PCF11: variants seen among roughly 807,000 people sequenced by gnomAD.
PCF11 encodes the protein PCF11 cleavage and polyadenylation factor subunit, also known as pre-mRNA cleavage complex 2 protein Pcf11.
Under a neutral mutation model 166.1 loss-of-function variants are expected in PCF11, and 19 were observed. That is an observed-to-expected ratio of 0.11 (90% CI 0.08 to 0.17). PCF11 has a LOEUF of 0.17. Ranked by LOEUF, PCF11 falls within the 10% of genes least tolerant of loss-of-function variation. The pLI, the probability that PCF11 is intolerant of heterozygous loss-of-function variation, is 1.00. For missense variants in PCF11, 1,565 were observed against 1,855.5 expected, an observed-to-expected ratio of 0.84 and a Z score of 2.88; for synonymous variants, 663 against 644.1, an observed-to-expected ratio of 1.03 and a Z score of -0.44.
intron 1 of PCF11, among the ~76,000 whole-genome samples, chr11:83,160,852 T>G (rs1478899536): frequency 1.3e-5 from 2 of 152,204 alleles, no homozygotes; most frequent in African/African-American, 4.8e-5. Flanking sequence ...TCCTAATGAT[T>G]TTACAGGTAA....
At chr11:83,165,989 G>A (rs769982897) in exon 5 of PCF11, 33 of 1,596,130 alleles carry the variant, frequency 2.1e-5, no homozygotes, top group Middle Eastern at 1.7e-4. Flanking sequence ...ATTCTAAATC[G>A]AAATCGAAAT....
At chr11:83,178,100 G>C (rs1425584769) in intron 11 of PCF11, among the ~76,000 whole-genome samples, 4 of 152,150 alleles carry the variant, frequency 2.6e-5, no homozygotes, top group Non-Finnish European at 5.9e-5. Flanking sequence ...GAGTTCAGTG[G>C]CGTGATCCTG....
chr11:83,158,394 A>T (rs765131951), intron 1 of PCF11: 3 of 152,166 alleles, frequency 2.0e-5, no homozygotes, highest in Admixed American at 6.5e-5. Flanking sequence ...CCAGAGGGTA[A>T]CAAGTACTTG....
exon 5 of PCF11, chr11:83,166,385 G>A: frequency 1.9e-6 from 3 of 1,613,944 alleles, no homozygotes; most frequent in Non-Finnish European, 2.5e-6. Flanking sequence ...ATTCCCCAAA[G>A]AGAAGAGATA....
intron 11 of PCF11, among the ~76,000 whole-genome samples, chr11:83,178,339 T>A (rs543129359): frequency 1.3e-5 from 2 of 152,238 alleles, no homozygotes; most frequent in East Asian, 3.9e-4. Flanking sequence ...TTTCATTTTT[T>A]AATCTGTGAT....
exon 9 of PCF11, chr11:83,171,881 C>G: frequency 6.3e-7 from 1 of 1,595,960 alleles, no homozygotes; most frequent in Non-Finnish European, 8.6e-7. Context: ...ACCAGTTCAT[C>G]CACAAAATCC....
chr11:83,172,616 A>G (rs991917223), intron 9 of PCF11, among the ~76,000 whole-genome samples: 14 of 152,124 alleles, frequency 9.2e-5, no homozygotes, highest in African/African-American at 3.4e-4. Context: ...GGGTTTCACC[A>G]TCTTGGCCAG....
At chr11:83,185,102 C>G in exon 16 of PCF11, 2 of 446,820 alleles carry the variant, frequency 4.5e-6, no homozygotes, top group Non-Finnish European at 3.9e-6. Context: ...TGTGAAAGTT[C>G]TGTAGATGTG....
In PCF11 at chr11:83,159,089, G is replaced by T. The variant is rs1049127516; in HGVS notation, c.192+1458G>T. Among the ~76,000 whole-genome samples the T allele has an allele frequency of 2.6e-5, 4 of 151,544 alleles. No individual in the cohort carries two copies. The East Asian group carries it at 5.8e-4, about 22-fold the overall frequency. ...AATTTAAAGAGGACGAAAAGGAAGG[G>T]TTTTTTTTCTTTTTCCTTTTAAGGA... is the stretch of plus-strand genomic sequence containing the variant. On this transcript the variant is annotated intron_variant, in intron 1 of 15. Coordinates refer to ENST00000298281, the Ensembl canonical transcript of PCF11.
At chr11:83,182,274 C>T (rs1861110559) in intron 13 of PCF11, 125 bp from the exon 14 acceptor site, 3 of 624,418 alleles carry the variant, frequency 4.8e-6, no homozygotes, top group Non-Finnish European at 8.4e-6. Context: ...GTATATTGGA[C>T]ATTATTCAAA....
At chr11:83,185,207 T>G in exon 16 of PCF11, 2 of 193,536 alleles carry the variant, frequency 1.0e-5, no homozygotes, top group Non-Finnish European at 2.1e-5. Flanking sequence ...TTGCTATTCA[T>G]GGAGTGTAAT....
chr11:83,166,528 C>G, exon 5 of PCF11: 2 of 1,613,752 alleles, frequency 1.2e-6, no homozygotes, highest in Non-Finnish European at 1.7e-6. Flanking sequence ...GACAGAAATG[C>G]TAAGAGAAGT....
rs184528913 is a variant in PCF11, at chr11:83,168,377, A to G, written c.2093-51A>G. On this transcript the variant is annotated intron_variant, in intron 7 of 15. Transcript: ENST00000298281. ...TTTGGATAAACATTCATACGAAAAT[A>G]GAAGATTTTAAGATAACTTTAGTGA... 94 of 1,451,122 alleles carry G rather than the reference A, an allele frequency of 6.5e-5. No homozygotes were observed. In the East Asian group the frequency reaches 1.8e-3, roughly 28 times the overall value. The allele number at this position is 1,451,122 out of a possible 1,614,324, so 89.9% of individuals were successfully genotyped here.
chr11:83,164,918 T>G lies in PCF11; in HGVS notation c.702+517T>G, dbSNP rs150658232. ...ACTATTTCCTCCAAACAGTTTTCTG[T>G]TAGATTGCTATCTTATAAAATAGCA... On this transcript the variant is annotated intron_variant, in intron 4 of 15. Transcript: ENST00000298281. Among the ~76,000 whole-genome samples, 10 of 152,340 alleles carry G rather than the reference T, an allele frequency of 6.6e-5. No homozygotes were observed. The East Asian group carries it at 1.7e-3, about 26-fold the overall frequency.
Position 83,177,739 on chromosome 11 carries a change from TC to T in PCF11, c.3908del (p.Pro1303LeufsTer24). On this transcript the variant is annotated frameshift_variant, in exon 11 of 16. Coordinates refer to ENST00000298281, the Ensembl canonical transcript of PCF11. LOFTEE classifies it high-confidence loss of function. The stretch of plus-strand genomic sequence containing the variant: ...AAGTAAGTGAAGTAACTGCTCAGCC[TC>T]CCCCTGAAGAGGAGGAAGATCAAAA... 2 of 1,537,266 alleles carry T rather than the reference TC, an allele frequency of 1.3e-6. No homozygotes were observed. The highest frequency in any genetic ancestry group is 1.8e-6 in the Non-Finnish European group (2 of 1,135,702).
intron 2 of PCF11, among the ~76,000 whole-genome samples, 183 bp from the exon 3 acceptor site, chr11:83,163,496 G>A (rs905184770): frequency 2.6e-5 from 4 of 151,814 alleles, no homozygotes; most frequent in Non-Finnish European, 4.4e-5. Flanking sequence ...AGGTGAAAAT[G>A]GTTTTAATTA....
chr11:83,184,298 G>T (rs1243554340), intron 15 of PCF11: 1 of 175,676 alleles, frequency 5.7e-6, no homozygotes, highest in African/African-American at 2.4e-5. Context: ...TAGTGTTGAG[G>T]GTGATGGTTT....
intron 11 of PCF11, chr11:83,180,372 C>T (rs7123357): frequency 0.069 from 10,472 of 151,390 alleles, 1,224 homozygotes; most frequent in African/African-American, 0.24. Context: ...AGGCGTGAGC[C>T]GCTGTGCCCG....
intron 12 of PCF11, among the ~76,000 whole-genome samples, 188 bp downstream of exon 12, chr11:83,181,379 A>T (rs1377981686): frequency 2.7e-5 from 4 of 150,358 alleles, no homozygotes; most frequent in Non-Finnish European, 4.4e-5. Context: ...CAGATTTTTT[A>T]AAAAATGAAT....
Sources: allele counts gnomAD v4.1 joint callset (sites outside exome capture counted in the v4.1 genomes callset), GRCh38; gene constraint gnomAD v4.1.1; transcripts MANE v1.5; gene names NCBI Gene and HGNC (gene_info 2026-07-23, HGNC 2026-07-21).